TSPEAR: variants seen among roughly 807,000 people sequenced by gnomAD.
The protein encoded by TSPEAR is thrombospondin-type laminin G domain and EAR repeat-containing protein.
In TSPEAR, 69 loss-of-function variants were observed where a neutral mutation model predicts 71.6. The ratio of observed to expected loss-of-function variants is 0.96; its 90% CI spans 0.79 to 1.18. The LOEUF (loss-of-function observed/expected upper bound fraction) is 1.18, where lower values mean the gene tolerates loss of function less well. Among genes scored for constraint, TSPEAR ranks in the 50% most tolerant of loss-of-function variants. The pLI is 0.00. For synonymous variants in TSPEAR, 402 were observed against 387.2 expected (o/e 1.04, Z -0.45); for missense variants, 971 against 894.9 (o/e 1.09, Z -1.09).
At chr21:44,682,249 T>G in intron 1 of TSPEAR, 1 of 1,111,970 alleles carries the variant, frequency 9.0e-7, no homozygotes, top group Non-Finnish European at 1.3e-6. Flanking sequence ...GTTGTCTTCC[T>G]TGTTTTTCTT....
At chr21:44,651,806 C>A (rs1487599348) in intron 1 of TSPEAR, among the ~76,000 whole-genome samples, 1 of 152,010 alleles carries the variant, frequency 6.6e-6, no homozygotes, top group Non-Finnish European at 1.5e-5. Context: ...ACATCATTGG[C>A]GACCATACTC....
rs587634414 is a variant in TSPEAR, at chr21:44,677,894, A to T, written c.82+33539T>A. On this transcript the variant is annotated intron_variant, in intron 1 of 11. Transcript: ENST00000323084. ...CTCGGAAATGGGAAGCCCATTTGGC[A>T]TATAGGATAGTGCCACCAATACCTC... The T allele has an allele frequency of 6.4e-5, 90 of 1,401,380 alleles. No individual in the cohort carries two copies. In the East Asian group the frequency reaches 1.3e-3, roughly 21 times the overall value. 86.8% of individuals were successfully genotyped at this position (1,401,380 alleles called of 1,614,324 possible). A position where few individuals can be genotyped will look rare whatever the true frequency, so the allele number is the denominator to read the frequency against.
At position 44,702,648 on chromosome 21, in the gene TSPEAR, C is replaced by A; in HGVS notation, c.82+8785G>T. On this transcript the variant is annotated intron_variant, in intron 1 of 11. Transcript: ENST00000323084. ...TCTGCCACCCTGTGTGCAGGCCCACCTGCTGCATGCCCGTCCCCTCCTGTT... is the reference window on the plus strand; with the variant it reads ...TCTGCCACCCTGTGTGCAGGCCCACATGCTGCATGCCCGTCCCCTCCTGTT... The A allele has an allele frequency of 1.9e-6, 3 of 1,582,698 alleles. No homozygotes were observed. In the South Asian group the frequency reaches 3.4e-5, roughly 18 times the overall value.
In TSPEAR at chr21:44,567,908, C is replaced by G. The variant is rs1336971756; in HGVS notation, c.180G>C (p.Gln60His). Residue 60 changes from glutamine to histidine, a missense_variant, in exon 2 of 12, where the codon CAG (glutamine) becomes CAC (histidine). Gln to His is a conservative substitution (Grantham distance 24). Transcript: ENST00000323084. ...TGGTGCGGGGGGCGGCTACTGAGAG[C>G]TGGAGTCCCCGTGCACCGTGAACCT... Reference protein sequence around the residue: ...IVQVHGARGLQLSVAAPRTMS... With the variant: ...IVQVHGARGLHLSVAAPRTMS... 1 of 1,607,528 alleles carries G rather than the reference C, an allele frequency of 6.2e-7. No individual in the cohort carries two copies. The highest frequency in any genetic ancestry group is 8.5e-7 in the Non-Finnish European group (1 of 1,175,996).
rs377024369 is a variant in TSPEAR, at chr21:44,697,800, G to A, written c.82+13633C>T. ...TCCTCCTCCGTGTCCCTCCTCTGCC[G>A]CCCTGTGTGCAGACCCGCCCGCCGC... is the stretch of plus-strand genomic sequence containing the variant. On this transcript the variant is annotated intron_variant, in intron 1 of 11. Coordinates refer to ENST00000323084, the MANE Select transcript of TSPEAR (RefSeq NM_144991.3). 2.9e-4 allele frequency: 473 copies of A among 1,613,270 alleles called. No individual in the cohort carries two copies. Among genetic ancestry groups the A allele is most frequent in the African/African-American group, 1.1e-3 (81 of 74,808 alleles).
At chr21:44,600,733 C>G (rs1423787547) in intron 1 of TSPEAR, 6 of 1,611,882 alleles carry the variant, frequency 3.7e-6, no homozygotes, top group Non-Finnish European at 5.1e-6. Context: ...GGACGACTGC[C>G]CAGAGAGCTG....
In TSPEAR at chr21:44,627,284, C is replaced by T. The variant is rs782451845; in HGVS notation, c.83-59279G>A. 1.6e-5 allele frequency: 26 copies of T among 1,612,524 alleles called. No individual in the cohort carries two copies. In the South Asian group the frequency reaches 1.8e-4, roughly 11 times the overall value. On this transcript the variant is annotated intron_variant, in intron 1 of 11. Coordinates refer to ENST00000323084, the MANE Select transcript of TSPEAR (RefSeq NM_144991.3). ...CCCTGCTGCGCCACCAGCTGCTGCG[C>T]CCCGGCCCCCTGCCTGACCCTGGTC...
At chr21:44,514,247 G>T (rs1183714462) in intron 9 of TSPEAR, among the ~76,000 whole-genome samples, 1 of 152,220 alleles carries the variant, frequency 6.6e-6, no homozygotes, top group African/African-American at 2.4e-5. Flanking sequence ...GTGCTTAGGG[G>T]CTCCTGCCTG....
chr21:44,623,575 C>T lies in TSPEAR; in HGVS notation c.83-55570G>A, dbSNP rs962974873. On this transcript the variant is annotated intron_variant, in intron 1 of 11. Transcript: ENST00000323084. The surrounding 1 kb of genome is among the most constrained non-coding windows in gnomAD (Gnocchi z 4.5). The stretch of plus-strand genomic sequence containing the variant: ...CCATCTGTGATCATTTTCATTCTGC[C>T]TAATTATCTTTTTATTTTCTGTAGT... Among the ~76,000 whole-genome samples the T allele has an allele frequency of 1.3e-5, 2 of 152,094 alleles. No homozygotes were observed. The highest frequency in any genetic ancestry group is 1.5e-5 in the Non-Finnish European group (1 of 68,030).
At chr21:44,613,742 A>G (rs1202410578) in intron 1 of TSPEAR, among the ~76,000 whole-genome samples, 5 of 152,134 alleles carry the variant, frequency 3.3e-5, no homozygotes, top group Non-Finnish European at 7.4e-5. Flanking sequence ...AGACAAAAGC[A>G]TCATGGGGTG....
rs1555910952 is a variant in TSPEAR at position 44,500,048 on chromosome 21, C to T, written c.1857-112G>A. 4.5e-5 allele frequency: 50 copies of T among 1,111,886 alleles called. No individual in the cohort carries two copies. In the East Asian group the frequency reaches 1.4e-3, roughly 32 times the overall value. The allele number at this position is 1,111,886 out of a possible 1,614,324, so 68.9% of individuals were successfully genotyped here. ...CCAGCAGCTCTGGGTCACATCTGAG[C>T]CTCTTCCATCCCCCCGACTGGCACA... On this transcript the variant is annotated intron_variant, in intron 11 of 11. Coordinates refer to ENST00000323084, the MANE Select transcript of TSPEAR (RefSeq NM_144991.3).
Position 44,687,471 on chromosome 21 carries a change from C to T in TSPEAR, c.82+23962G>A, listed in dbSNP as rs545623536. Among the ~76,000 whole-genome samples the T allele has an allele frequency of 1.1e-4, 17 of 152,352 alleles. No homozygotes were observed. In the South Asian group the frequency reaches 2.9e-3, roughly 26 times the overall value. On this transcript the variant is annotated intron_variant, in intron 1 of 11. Coordinates refer to ENST00000323084, the MANE Select transcript of TSPEAR (RefSeq NM_144991.3). The surrounding 1 kb of genome is among the most constrained non-coding windows in gnomAD (Gnocchi z 4.4). ...CCAGCACTGAGGGCGGCATTGCTTACGCACACGGCAACAGGAACGCATCGC... is the reference window on the plus strand; with the variant it reads ...CCAGCACTGAGGGCGGCATTGCTTATGCACACGGCAACAGGAACGCATCGC...
intron 9 of TSPEAR, among the ~76,000 whole-genome samples, chr21:44,512,053 T>C (rs190132620): frequency 8.8e-4 from 133 of 150,928 alleles, no homozygotes; most frequent in Non-Finnish European, 1.4e-3. Context: ...GACAGGGGAG[T>C]TGGCAGCAGG....
chr21:44,694,737 G>A (rs1555950203), intron 1 of TSPEAR, among the ~76,000 whole-genome samples: 6 of 152,196 alleles, frequency 3.9e-5, no homozygotes, highest in African/African-American at 7.2e-5. Flanking sequence ...ATTATTGAGT[G>A]CCTATCATGA....
At chr21:44,693,580 T>TC (rs1555950036) in intron 1 of TSPEAR, among the ~76,000 whole-genome samples, 1 of 152,164 alleles carries the variant, frequency 6.6e-6, no homozygotes, top group African/African-American at 2.4e-5. Context: ...TCAACAGTAT[T>TC]ACTCATTAGG....
At chr21:44,557,256 A>G (rs2053547282) in intron 2 of TSPEAR, among the ~76,000 whole-genome samples, 1 of 152,180 alleles carries the variant, frequency 6.6e-6, no homozygotes, top group Non-Finnish European at 1.5e-5. Flanking sequence ...AATGCCCACA[A>G]ATACTTTCCA....
rs374290804 is a variant in TSPEAR, at chr21:44,551,239, A to C, written c.303+16546T>G. The C allele has an allele frequency of 2.5e-6, 4 of 1,613,920 alleles. No individual in the cohort carries two copies. The African/African-American group carries it at 5.3e-5, about 22-fold the overall frequency. On this transcript the variant is annotated intron_variant, in intron 2 of 11. Transcript: ENST00000323084. ...TGCTGGCAGCACGAGGGCGTGCAGG[A>C]GCTGGTGCAGCCTGATTGGCAGGCG...
intron 2 of TSPEAR, among the ~76,000 whole-genome samples, chr21:44,554,734 T>C (rs994692142): frequency 6.6e-6 from 1 of 152,236 alleles, no homozygotes; most frequent in Admixed American, 6.5e-5. Context: ...TGTACCGGGT[T>C]AAATAAGATC....
In TSPEAR at chr21:44,522,077, A is replaced by G; in HGVS notation, c.1372T>C (p.Trp458Arg). Reference protein sequence around the residue: ...NHNIDSVIYKWNPATRLFEAN... With the variant: ...NHNIDSVIYKRNPATRLFEAN... ...TCGAAGAGCCGGGTTGCCGGGTTCC[A>G]CTTGTAGATGACACTGTCGATGTTG... The change falls in exon 9 of 12, where the codon TGG (tryptophan) becomes CGG (arginine). Residue 458 changes from tryptophan to arginine, a missense_variant. Trp to Arg is a moderately radical substitution (Grantham distance 101, BLOSUM62 -3). Transcript: ENST00000323084. 6.2e-7 allele frequency: 1 copy of G among 1,614,022 alleles called. No homozygotes were observed. The highest frequency in any genetic ancestry group is 8.5e-7 in the Non-Finnish European group (1 of 1,179,976).
Sources: allele counts gnomAD v4.1 joint callset (sites outside exome capture counted in the v4.1 genomes callset), GRCh38; gene constraint gnomAD v4.1.1; non-coding constraint Gnocchi (gnomAD v3.1); transcripts MANE v1.5; gene names NCBI Gene and HGNC (gene_info 2026-07-23, HGNC 2026-07-21).